The following VWA3B variants were observed in gnomAD, a reference collection of about 807,000 sequenced individuals.
VWA3B encodes the protein von Willebrand factor A domain containing 3B, also known as von Willebrand factor A domain-containing protein 3B.
Under a neutral mutation model 158.3 loss-of-function variants are expected in VWA3B, and 138 were observed. That is an observed-to-expected ratio of 0.87 (90% CI 0.76 to 1.00). The LOEUF (loss-of-function observed/expected upper bound fraction) is 1.00. Ranked by LOEUF, VWA3B falls within the 50% of genes least tolerant of loss-of-function variation. VWA3B has a pLI of 0.00. For missense variants in VWA3B, 1,555 were observed against 1,565.1 expected, an observed-to-expected ratio of 0.99 and a Z score of 0.11; for synonymous variants, 596 against 587.3, an observed-to-expected ratio of 1.01 and a Z score of -0.21.
chr2:98,213,191 T>C (rs969884164), intron 13 of VWA3B, among the ~76,000 whole-genome samples: 13 of 151,956 alleles, frequency 8.6e-5, no homozygotes, highest in African/African-American at 2.9e-4. Flanking sequence ...TGTGGGGGGC[T>C]CAGAGAAAAA....
intron 8 of VWA3B, among the ~76,000 whole-genome samples, chr2:98,180,516 G>C (rs1680477710): frequency 1.3e-5 from 2 of 152,248 alleles, no homozygotes; most frequent in Admixed American, 6.5e-5. Flanking sequence ...TCACTGGATT[G>C]CTGCAGTTTA....
At chr2:98,090,601 A>G (rs758574724) in intron 1 of VWA3B, among the ~76,000 whole-genome samples, 1 of 152,206 alleles carries the variant, frequency 6.6e-6, no homozygotes, top group Non-Finnish European at 1.5e-5. Flanking sequence ...GATGCTCTCC[A>G]AGTAATATTG....
chr2:98,119,891 T>C (rs765586575), intron 4 of VWA3B, 128 bp downstream of exon 4: 3 of 1,196,492 alleles, frequency 2.5e-6, no homozygotes, highest in Non-Finnish European at 3.5e-6. Flanking sequence ...TATACTTTCC[T>C]AGAAGATGTA....
intron 9 of VWA3B, among the ~76,000 whole-genome samples, chr2:98,181,518 C>G (rs1680578391): frequency 6.6e-6 from 1 of 152,148 alleles, no homozygotes; most frequent in Admixed American, 6.5e-5. Flanking sequence ...ATAGAGAAGC[C>G]CTTTGTTCCC....
At position 98,248,409 on chromosome 2, in the gene VWA3B, A is replaced by T. The variant is rs1686536464; in HGVS notation, c.2674-1909A>T. Among the ~76,000 whole-genome samples, 4 of 152,204 alleles carry T rather than the reference A, an allele frequency of 2.6e-5. No homozygotes were observed. In the South Asian group the frequency reaches 8.3e-4, roughly 32 times the overall value. On this transcript the variant is annotated intron_variant, in intron 19 of 27. Transcript: ENST00000477737. ...TTTTCTCTTTCTCCTTCTATTTGGC[A>T]GTTGCCTAAATCCATCCCCTTGATC... is the stretch of plus-strand genomic sequence containing the variant.
chr2:98,187,041 C>T (rs1210585841), intron 9 of VWA3B, among the ~76,000 whole-genome samples: 1 of 152,152 alleles, frequency 6.6e-6, no homozygotes, highest in East Asian at 1.9e-4. Flanking sequence ...ACTCCCAGCT[C>T]AGGCCTTTGC....
At chr2:98,236,953 A>C in intron 19 of VWA3B, 1 of 525,620 alleles carries the variant, frequency 1.9e-6, no homozygotes, top group Non-Finnish European at 3.2e-6. Flanking sequence ...TGGTGGGTGG[A>C]TCCCTTGAAT....
chr2:98,262,948 T>C (rs1168936585), intron 21 of VWA3B, among the ~76,000 whole-genome samples: 2 of 151,906 alleles, frequency 1.3e-5, no homozygotes, highest in African/African-American at 4.8e-5. Context: ...TGTGTCTTCT[T>C]TAATTTCTTT....
At chr2:98,226,774 A>G (rs1225815877) in intron 14 of VWA3B, among the ~76,000 whole-genome samples, 1 of 152,238 alleles carries the variant, frequency 6.6e-6, no homozygotes, top group South Asian at 2.1e-4. Context: ...ATGCACAGAC[A>G]TTTCACTGAA....
chr2:98,184,710 C>T (rs543152583), intron 9 of VWA3B, among the ~76,000 whole-genome samples: 12 of 152,348 alleles, frequency 7.9e-5, no homozygotes, highest in African/African-American at 2.4e-5. Flanking sequence ...TACCGGGGCT[C>T]CTCTCTGAGA....
chr2:98,211,728 G>A (rs1176873897), intron 12 of VWA3B, among the ~76,000 whole-genome samples: 2 of 152,204 alleles, frequency 1.3e-5, no homozygotes, highest in African/African-American at 4.8e-5. Context: ...AGCAGTCCTT[G>A]GACTGCCCGG....
chr2:98,164,099 CTG>C (rs1372566924), intron 8 of VWA3B, among the ~76,000 whole-genome samples: 1 of 152,148 alleles, frequency 6.6e-6, no homozygotes, highest in Admixed American at 6.5e-5. Flanking sequence ...TCCACGCTGT[CTG>C]TGTCTGTGCA....
intron 1 of VWA3B, among the ~76,000 whole-genome samples, chr2:98,091,535 C>G (rs978074614): frequency 4.6e-5 from 7 of 152,210 alleles, no homozygotes; most frequent in African/African-American, 1.4e-4. Context: ...ATTAACCCCT[C>G]TCTGTCTTGG....
At chr2:98,304,908 C>T (rs1490378202) in intron 26 of VWA3B, among the ~76,000 whole-genome samples, 1 of 152,130 alleles carries the variant, frequency 6.6e-6, no homozygotes, top group African/African-American at 2.4e-5. Context: ...CCTTCACTGC[C>T]GGTCTCCATG....
rs2271038 is a variant in VWA3B at position 98,312,294 on chromosome 2, C to T, written c.3830C>T (p.Thr1277Ile). Residue 1277 changes from threonine to isoleucine, a missense_variant, in exon 28 of 28, where the codon ACT (threonine) becomes ATT (isoleucine). Coordinates refer to ENST00000477737, the MANE Select transcript of VWA3B (RefSeq NM_144992.5). ...CCACCTCGAGCAGCCCTGCCCTGTA[C>T]TCTCCAAGCCACCCACAGCAGCAAA... ...TPPPRAALPCTLQATHSSKGL... is the reference protein window; with the variant it reads ...TPPPRAALPCILQATHSSKGL... The T allele has an allele frequency of 9.6e-3, 15,455 of 1,614,104 alleles. 165 individuals carry two copies. The highest frequency in any genetic ancestry group is 0.056 in the East Asian group (2,531 of 44,864).
intron 5 of VWA3B, among the ~76,000 whole-genome samples, chr2:98,126,636 T>C (rs775667470): frequency 2.0e-5 from 3 of 152,218 alleles, no homozygotes; most frequent in Non-Finnish European, 2.9e-5. Context: ...CTGGAGAAGA[T>C]GGTTTCTTCC....
At chr2:98,282,432 C>CTTTTTT (rs759230723) in intron 22 of VWA3B, among the ~76,000 whole-genome samples, 2 of 124,904 alleles carry the variant, frequency 1.6e-5, no homozygotes, top group Admixed American at 8.3e-5. Flanking sequence ...ACATGAATTA[C>CTTTTTT]TTTTTTTTTT....
At chr2:98,251,508 C>A (rs2105805014) in intron 20 of VWA3B, among the ~76,000 whole-genome samples, 1 of 152,264 alleles carries the variant, frequency 6.6e-6, no homozygotes, top group South Asian at 2.1e-4. Flanking sequence ...CGGTCCCCAG[C>A]CCTTAATTAA....
intron 14 of VWA3B, among the ~76,000 whole-genome samples, chr2:98,222,680 A>C (rs1033189564): frequency 6.6e-6 from 1 of 152,196 alleles, no homozygotes; most frequent in African/African-American, 2.4e-5. Flanking sequence ...TGACGGAGGG[A>C]AACGCCTCCT....
Sources: allele counts gnomAD v4.1 joint callset (sites outside exome capture counted in the v4.1 genomes callset), GRCh38; gene constraint gnomAD v4.1.1; transcripts MANE v1.5; gene names NCBI Gene and HGNC (gene_info 2026-07-23, HGNC 2026-07-21).